DMD: variants seen among roughly 807,000 people sequenced by gnomAD.
DMD encodes mutant dystrophin.
DMD carries 63 observed loss-of-function variants against 330.1 expected under a neutral mutation model. The ratio of observed to expected loss-of-function variants is 0.19; its 90% confidence interval spans 0.16 to 0.24. DMD has a LOEUF of 0.24. Among genes scored for constraint, DMD ranks in the 10% least tolerant of loss-of-function variants. The pLI is 1.00. For synonymous variants in DMD, 1,223 were observed against 959.8 expected, an observed-to-expected ratio of 1.27 and a Z score of -5.07; for missense variants, 3,344 against 2,684.1, an observed-to-expected ratio of 1.25 and a Z score of -5.43.
chrX:31,394,866 T>G (rs2060841529), intron 60 of DMD, among the ~76,000 whole-genome samples: 1 of 109,445 alleles, frequency 9.1e-6, no homozygotes, highest in African/African-American at 3.4e-5. Context: ...TATGATCTCA[T>G]AAGGATCACA....
chrX:32,332,203 A>C (rs952385529), intron 41 of DMD, among the ~76,000 whole-genome samples: 1 of 111,618 alleles, frequency 9.0e-6, no homozygotes, highest in Non-Finnish European at 1.9e-5. Context: ...TTATGAATTA[A>C]ACAAATATAT....
rs750849209 is a variant in DMD at position 31,284,995 on chromosome X, C to T, written c.9225-23979G>A. Among the ~76,000 whole-genome samples, 8 of 110,411 alleles carry T rather than the reference C, an allele frequency of 7.2e-5. No homozygotes were observed. In the East Asian group the frequency reaches 2.3e-3, roughly 32 times the overall value. On this transcript the variant is annotated intron_variant, in intron 62 of 78. Transcript: ENST00000357033. Reference sequence around the variant, plus strand: ...CACACATCGTGTAGACCGAGATTTTCGATATTAAAACATTCAGTCTGCCAA... The same window carrying T: ...CACACATCGTGTAGACCGAGATTTTTGATATTAAAACATTCAGTCTGCCAA...
intron 44 of DMD, among the ~76,000 whole-genome samples, chrX:32,090,850 C>T (rs776033794): frequency 1.8e-5 from 2 of 111,132 alleles, no homozygotes; most frequent in African/African-American, 6.5e-5. Context: ...TGCTTCAACA[C>T]AGGCCATCCT....
chrX:31,329,548 C>T (rs968852019), intron 61 of DMD, among the ~76,000 whole-genome samples: 9 of 111,547 alleles, frequency 8.1e-5, no homozygotes, highest in African/African-American at 1.3e-4. Flanking sequence ...GCAGGGGAAA[C>T]GAGAAATTGT....
chrX:31,914,934 C>T lies in DMD; in HGVS notation c.6912+14662G>A, dbSNP rs2094590423. 4.5e-5 allele frequency among the ~76,000 whole-genome samples: 5 copies of T among 112,240 alleles called. No individual in the cohort carries two copies. The Admixed American group carries it at 4.7e-4, about 11-fold the overall frequency. On this transcript the variant is annotated intron_variant, in intron 47 of 78. Coordinates refer to ENST00000357033, the MANE Select transcript of DMD (RefSeq NM_004006.3). ...AAGATTAATGCTGGAGGGGGTGGAT[C>T]CCCCGTTCTCCATGATGTGATTATT...
At chrX:32,124,545 T>C (rs2096652636) in intron 44 of DMD, among the ~76,000 whole-genome samples, 1 of 112,341 alleles carries the variant, frequency 8.9e-6, no homozygotes, top group Non-Finnish European at 1.9e-5. Flanking sequence ...GTCAGGAACA[T>C]GTTAAGGTAC....
chrX:32,787,247 TGAGA>T (rs1214278194), intron 7 of DMD, among the ~76,000 whole-genome samples: 129 of 77,548 alleles, frequency 1.7e-3, no homozygotes, highest in Middle Eastern at 7.2e-3. Context: ...TGTGTGTGTG[TGAGA>T]GAGAGAGAGA....
intron 7 of DMD, among the ~76,000 whole-genome samples, chrX:32,755,230 A>G (rs1415186740): frequency 9.1e-6 from 1 of 110,326 alleles, no homozygotes; most frequent in African/African-American, 3.3e-5. Context: ...TGGGTGAATG[A>G]GTAGTTCTAA....
At chrX:31,612,694 G>A (rs766776956) in intron 55 of DMD, among the ~76,000 whole-genome samples, 2 of 111,602 alleles carry the variant, frequency 1.8e-5, no homozygotes, top group South Asian at 7.5e-4. Context: ...CATGGAACCC[G>A]ATATTATTAA....
At position 31,157,248 on chromosome X, in the gene DMD, C is replaced by T. The variant is rs1385267590; in HGVS notation, c.10554-9730G>A. Among the ~76,000 whole-genome samples, 13 of 111,901 alleles carry T rather than the reference C, an allele frequency of 1.2e-4. No individual in the cohort carries two copies. The Admixed American group carries it at 1.2e-3, about 11-fold the overall frequency. Reference sequence around the variant, plus strand: ...GACAGAACATGACAATATTAATTGGCTTCAGTTTCTTAATCTTTAATGACT... The same window carrying T: ...GACAGAACATGACAATATTAATTGGTTTCAGTTTCTTAATCTTTAATGACT... On this transcript the variant is annotated intron_variant, in intron 74 of 78. Coordinates refer to ENST00000357033, the MANE Select transcript of DMD (RefSeq NM_004006.3).
At chrX:32,381,840 T>C (rs1488686412) in intron 33 of DMD, among the ~76,000 whole-genome samples, 1 of 110,815 alleles carries the variant, frequency 9.0e-6, no homozygotes, top group Non-Finnish European at 1.9e-5. Flanking sequence ...ATCTGAACAA[T>C]AGATATAAAT....
At chrX:31,951,173 A>ATG (rs1429819998) in intron 45 of DMD, among the ~76,000 whole-genome samples, 2 of 93,610 alleles carry the variant, frequency 2.1e-5, no homozygotes, top group Admixed American at 1.2e-4. Flanking sequence ...ATATATATAT[A>ATG]TGTATATATA....
chrX:31,334,297 G>T (rs1317590647), intron 61 of DMD, among the ~76,000 whole-genome samples: 1 of 112,276 alleles, frequency 8.9e-6, no homozygotes, highest in Non-Finnish European at 1.9e-5. Context: ...ATCACTGAAT[G>T]CATCTTGTGA....
At chrX:32,957,532 T>C (rs767477838) in intron 2 of DMD, among the ~76,000 whole-genome samples, 1 of 112,018 alleles carries the variant, frequency 8.9e-6, no homozygotes, top group East Asian at 2.8e-4. Context: ...TTGGTTTGTT[T>C]GCTTCTTGAG....
In DMD at chrX:31,725,160, T is replaced by C. The variant is rs142359766; in HGVS notation, c.7660+4471A>G. ...TTGAATTCTACTTCCTCACTTGTCA[T>C]CTTCCTAAGACCCTAGACAAGTTAC... On this transcript the variant is annotated intron_variant, in intron 52 of 78. Coordinates refer to ENST00000357033, the MANE Select transcript of DMD (RefSeq NM_004006.3). 7.9e-3 allele frequency among the ~76,000 whole-genome samples: 878 copies of C among 111,654 alleles called. 9 individuals carry two copies. Among genetic ancestry groups the C allele is most frequent in the African/African-American group, 0.027 (827 of 30,698 alleles).
At chrX:32,174,654 T>C (rs1351491528) in intron 44 of DMD, among the ~76,000 whole-genome samples, 1 of 112,298 alleles carries the variant, frequency 8.9e-6, no homozygotes, top group East Asian at 2.8e-4. Flanking sequence ...TATAAAACAA[T>C]GTTGTCTTTG....
chrX:33,189,992 A>G (rs760445075), intron 1 of DMD, among the ~76,000 whole-genome samples: 1 of 111,716 alleles, frequency 9.0e-6, no homozygotes, highest in African/African-American at 3.2e-5. Context: ...AACTGTAATC[A>G]AGGCAGAGAG....
At chrX:32,536,642 C>T (rs1030363010) in intron 17 of DMD, among the ~76,000 whole-genome samples, 1 of 111,899 alleles carries the variant, frequency 8.9e-6, no homozygotes, top group Non-Finnish European at 1.9e-5. Context: ...TTTTAATTGC[C>T]GAACTTTCTT....
intron 54 of DMD, among the ~76,000 whole-genome samples, chrX:31,635,123 G>A (rs2079341868): frequency 9.0e-6 from 1 of 111,460 alleles, no homozygotes; most frequent in African/African-American, 3.2e-5. Context: ...AACTGTAAGG[G>A]ATCTTTAGAA....
Sources: gnomAD v4.1 joint callset for allele counts (sites outside exome capture counted in the v4.1 genomes callset) on GRCh38, gnomAD v4.1.1 for gene constraint, MANE v1.5 for transcripts, NCBI Gene and HGNC (gene_info 2026-07-23, HGNC 2026-07-21) for gene names.